SYN3: variants seen among roughly 807,000 people sequenced by gnomAD.
SYN3 encodes synapsin III, also known as synapsin-3.
SYN3 carries 35 observed loss-of-function variants against 65.8 expected under a neutral mutation model. The observed-to-expected ratio is 0.53, with a 90% CI of 0.41 to 0.70. The LOEUF is 0.70. Ranked by LOEUF, SYN3 falls within the 30% of genes least tolerant of loss-of-function variation. The pLI, the probability that SYN3 is intolerant of heterozygous loss-of-function variation, is 0.00. For missense variants in SYN3, 680 were observed against 749.0 expected (o/e 0.91, Z 1.08); for synonymous variants, 270 against 292.9 (o/e 0.92, Z 0.80).
chr22:32,870,004 A>G (rs941305314), intron 4 of SYN3, among the ~76,000 whole-genome samples: 9 of 152,286 alleles, frequency 5.9e-5, no homozygotes, highest in African/African-American at 2.2e-4. Context: ...GAGGATTCAC[A>G]CATTGTTTGA....
chr22:32,725,131 AAACACAACAC>A (rs570548812), intron 6 of SYN3, among the ~76,000 whole-genome samples: 3 of 152,122 alleles, frequency 2.0e-5, no homozygotes, highest in Non-Finnish European at 4.4e-5. Flanking sequence ...AAAACAAAAC[AAACACAACAC>A]AACACAACAC....
At chr22:32,623,626 C>T (rs2059625283) in intron 6 of SYN3, among the ~76,000 whole-genome samples, 1 of 152,242 alleles carries the variant, frequency 6.6e-6, no homozygotes, top group African/African-American at 2.4e-5. Context: ...TCCCTGGAAT[C>T]CAGACGTGCC....
intron 6 of SYN3, among the ~76,000 whole-genome samples, chr22:32,779,794 G>C (rs1179711758): frequency 1.3e-5 from 2 of 152,038 alleles, no homozygotes; most frequent in East Asian, 3.9e-4. Flanking sequence ...TGATGTCCTT[G>C]CTAGCGACTC....
intron 4 of SYN3, among the ~76,000 whole-genome samples, chr22:32,903,683 A>T (rs1373890409): frequency 6.6e-6 from 1 of 152,260 alleles, no homozygotes; most frequent in Non-Finnish European, 1.5e-5. Context: ...GCAGCCTTCC[A>T]GGTACCCAAG....
chr22:32,783,028 G>A (rs980666364), intron 6 of SYN3: 2 of 152,198 alleles, frequency 1.3e-5, no homozygotes, highest in Non-Finnish European at 2.9e-5. Context: ...CCCATTAAAC[G>A]GTATGGGAAT....
At chr22:32,529,037 C>A in intron 10 of SYN3, 29 bp from the exon 11 acceptor site, 1 of 1,613,068 alleles carries the variant, frequency 6.2e-7, no homozygotes, top group Non-Finnish European at 8.5e-7. Context: ...AGCTGAGGGA[C>A]CCCCATGCCA....
chr22:32,914,583 G>A (rs936334277), intron 4 of SYN3, among the ~76,000 whole-genome samples: 3 of 151,668 alleles, frequency 2.0e-5, no homozygotes, highest in Non-Finnish European at 2.9e-5. Context: ...GACTACAGGC[G>A]CCCGCCACCA....
At position 33,036,678 on chromosome 22, in the gene SYN3, CTTTTTTTTTTTTTT is replaced by C. The variant is rs133977; in HGVS notation, c.-163+21600_-163+21613del. Among the ~76,000 whole-genome samples, 121 of 99,520 alleles carry C rather than the reference CTTTTTTTTTTTTTT, an allele frequency of 1.2e-3. 1 individual carries two copies. The highest frequency in any genetic ancestry group is 3.6e-3 in the South Asian group (11 of 3,014). The allele number at this position is 99,520 out of a possible 152,430, so 65.3% of individuals were successfully genotyped here. On this transcript the variant is annotated intron_variant, in intron 1 of 13. Coordinates refer to ENST00000358763, the MANE Select transcript of SYN3 (RefSeq NM_003490.4). ...TTTTAAATGCTGTAAAGCCCAAGTT[CTTTTTTTTTTTTTT>C]TTTTTTTTTTTTTTTTGAGACAGAG...
chr22:32,598,548 C>G lies in SYN3; in HGVS notation c.712-1812G>C, dbSNP rs545847764. 3.5e-4 allele frequency among the ~76,000 whole-genome samples: 54 copies of G among 152,250 alleles called. No homozygotes were observed. The South Asian group carries it at 0.011, about 30-fold the overall frequency. On this transcript the variant is annotated intron_variant, in intron 6 of 13. Transcript: ENST00000358763. Reference sequence around the variant, plus strand: ...TCGCTCAGGCTGAAGTGCAGTGGCACGATCTTGGCCCACTGTAATCTCTGC... The same window carrying G: ...TCGCTCAGGCTGAAGTGCAGTGGCAGGATCTTGGCCCACTGTAATCTCTGC...
intron 6 of SYN3, among the ~76,000 whole-genome samples, chr22:32,782,575 T>C (rs1463694641): frequency 6.7e-6 from 1 of 148,162 alleles, no homozygotes; most frequent in East Asian, 2.0e-4. Flanking sequence ...TGGAGTGCAA[T>C]GGCATGATCT....
At chr22:32,906,503 TTTTAAC>T (rs1352668225) in intron 4 of SYN3, among the ~76,000 whole-genome samples, 1 of 152,200 alleles carries the variant, frequency 6.6e-6, no homozygotes, top group African/African-American at 2.4e-5. Context: ...TAATATCTTT[TTTTAAC>T]TTTAAGTTCT....
At chr22:32,624,143 G>C (rs187334569) in intron 6 of SYN3, among the ~76,000 whole-genome samples, 12 of 152,314 alleles carry the variant, frequency 7.9e-5, no homozygotes, top group African/African-American at 2.6e-4. Context: ...CTGAAACATG[G>C]GGACAGTGAC....
At chr22:32,758,264 C>T (rs1253008951) in intron 6 of SYN3, among the ~76,000 whole-genome samples, 2 of 151,994 alleles carry the variant, frequency 1.3e-5, no homozygotes, top group Non-Finnish European at 2.9e-5. Context: ...TATGTATGAT[C>T]TGAGGAGATG....
chr22:32,917,487 G>A (rs568984764), intron 4 of SYN3, among the ~76,000 whole-genome samples: 20 of 152,254 alleles, frequency 1.3e-4, no homozygotes, highest in African/African-American at 4.8e-4. Flanking sequence ...ATGAGAAGAC[G>A]CCAGGATGCC....
At chr22:32,566,685 G>A (rs898608589) in intron 7 of SYN3, among the ~76,000 whole-genome samples, 1 of 152,146 alleles carries the variant, frequency 6.6e-6, no homozygotes, top group Admixed American at 6.5e-5. Flanking sequence ...TCAGGGAGCT[G>A]GAGAGAATGG....
At chr22:32,845,601 A>G (rs1251323372) in intron 6 of SYN3, among the ~76,000 whole-genome samples, 2 of 152,162 alleles carry the variant, frequency 1.3e-5, no homozygotes, top group Non-Finnish European at 2.9e-5. Flanking sequence ...CCAATGTTCC[A>G]GACACCAACC....
In SYN3 at chr22:32,538,103, A is replaced by G. The variant is rs777886089; in HGVS notation, c.925T>C (p.Ser309Pro). 6.2e-7 allele frequency: 1 copy of G among 1,613,992 alleles called. No homozygotes were observed. Among genetic ancestry groups the G allele is most frequent in the Admixed American group, 1.7e-5 (1 of 60,002 alleles). ...GSNYKAYMRT[S>P]ISGNWKANTG... ...TTGGCCTTCCAGTTCCCAGAGATGG[A>G]GGTTCTCCTGTACCAGAACAAACAA... Residue 309 changes from serine to proline, a missense_variant, in exon 9 of 14, where the codon TCC becomes CCC. Coordinates refer to ENST00000358763, the MANE Select transcript of SYN3 (RefSeq NM_003490.4).
intron 6 of SYN3, among the ~76,000 whole-genome samples, chr22:32,604,866 C>T (rs942754718): frequency 2.0e-5 from 3 of 151,954 alleles, no homozygotes; most frequent in East Asian, 2.0e-4. Context: ...ATTAGCCGGG[C>T]GTGGTGGCGG....
At chr22:32,876,512 C>A (rs927371665) in intron 4 of SYN3, among the ~76,000 whole-genome samples, 5 of 151,520 alleles carry the variant, frequency 3.3e-5, no homozygotes, top group Non-Finnish European at 7.4e-5. Context: ...TGGATGTTCA[C>A]CAAAATGCTG....
Sources: gnomAD v4.1 joint callset for allele counts (sites outside exome capture counted in the v4.1 genomes callset) on GRCh38, gnomAD v4.1.1 for gene constraint, MANE v1.5 for transcripts, NCBI Gene and HGNC (gene_info 2026-07-23, HGNC 2026-07-21) for gene names.